Variants in VIPAS39 observed in about 807,000 individuals in gnomAD.
VIPAS39 encodes the protein spermatogenesis-defective protein 39 homolog.
VIPAS39 carries 63 observed loss-of-function variants against 84.7 expected under a neutral mutation model. The ratio of observed to expected loss-of-function variants is 0.74; its 90% CI spans 0.61 to 0.92. The LOEUF is 0.92. Ranked by LOEUF, VIPAS39 falls within the 40% of genes least tolerant of loss-of-function variation. The probability of loss-of-function intolerance (pLI) is 0.00; values close to 1 mark genes in which losing one functional copy is unlikely to be tolerated. For synonymous variants in VIPAS39, 192 were observed against 216.5 expected (o/e 0.89, Z 0.99); for missense variants, 499 against 604.5 (o/e 0.83, Z 1.83).
At chr14:77,437,948 TGA>T in intron 11 of VIPAS39, 67 bp from the exon 12 acceptor site, 1 of 1,508,270 alleles carries the variant, frequency 6.6e-7, no homozygotes, top group Non-Finnish European at 9.2e-7. Flanking sequence ...GCTGATTAAC[TGA>T]ACTTCCCATG....
At position 77,434,209 on chromosome 14, in the gene VIPAS39, C is replaced by A. The variant is rs536974743; in HGVS notation, c.1089+53G>T. 3.2e-6 allele frequency: 5 copies of A among 1,541,880 alleles called. No individual in the cohort carries two copies. In the African/African-American group the frequency reaches 6.8e-5, roughly 21 times the overall value. Reference sequence around the variant, plus strand: ...ACAGGGTTACAAAGCAACATCCACTCCATGTAGTTACCCTGATCACTAGTT... The same window carrying A: ...ACAGGGTTACAAAGCAACATCCACTACATGTAGTTACCCTGATCACTAGTT... On this transcript the variant is annotated intron_variant, in intron 15 of 19. Coordinates refer to ENST00000557658, the MANE Select transcript of VIPAS39 (RefSeq NM_001193315.2).
At chr14:77,443,393 C>G (rs1178628872) in intron 8 of VIPAS39, among the ~76,000 whole-genome samples, 5 of 152,214 alleles carry the variant, frequency 3.3e-5, no homozygotes, top group African/African-American at 4.8e-5. Context: ...CACATCTCTT[C>G]TCCCTCAGAT....
intron 16 of VIPAS39, among the ~76,000 whole-genome samples, chr14:77,430,713 T>A (rs1319194790): frequency 3.8e-5 from 4 of 104,958 alleles, no homozygotes; most frequent in Non-Finnish European, 3.9e-5. Context: ...CAAGACTCTG[T>A]CTCAAAAAAG....
At chr14:77,434,902 G>GAAA (rs553201076) in intron 14 of VIPAS39, among the ~76,000 whole-genome samples, 1 of 133,042 alleles carries the variant, frequency 7.5e-6, no homozygotes, top group Non-Finnish European at 1.6e-5. Context: ...CCATCTCAGA[G>GAAA]AAAAAAAAAA....
At position 77,435,297 on chromosome 14, in the gene VIPAS39, GTGT is replaced by G; in HGVS notation, c.1006_1008del (p.Thr336del). 6.2e-7 allele frequency: 1 copy of G among 1,613,908 alleles called. No homozygotes were observed. Among genetic ancestry groups the G allele is most frequent in the Non-Finnish European group, 8.5e-7 (1 of 1,179,956 alleles). ...TAGTGATAGAAGCAGGAGTAGAAAA[GTGT>G]TGTCACTAGTGGCATGTTGAGGATG... On this transcript the variant is annotated inframe_deletion, in exon 14 of 20. Transcript: ENST00000557658.
Position 77,434,381 on chromosome 14 carries a change from C to A in VIPAS39, c.1048-78G>T. On this transcript the variant is annotated intron_variant, in intron 14 of 19. Coordinates refer to ENST00000557658, the MANE Select transcript of VIPAS39 (RefSeq NM_001193315.2). ...ACCCAAGCTCTCATTTTCTTTCCCA[C>A]TACAGAGACTTTCTACATCTTACTC... is the stretch of plus-strand genomic sequence containing the variant. 4 of 1,321,106 alleles carry A rather than the reference C, an allele frequency of 3.0e-6. No individual in the cohort carries two copies. The South Asian group carries it at 4.7e-5, about 16-fold the overall frequency. The allele number at this position is 1,321,106 out of a possible 1,614,324, so 81.8% of individuals were successfully genotyped here.
chr14:77,433,940 C>T lies in VIPAS39; in HGVS notation c.1090-9G>A, dbSNP rs1163746250. The stretch of plus-strand genomic sequence containing the variant: ...TACTGTTTATCTGGGATCTGGAAAG[C>T]AGAGACCGAGAAAAATTAAGGGGAA... On this transcript the variant is annotated splice_polypyrimidine_tract_variant and intron_variant, in intron 15 of 19. Transcript: ENST00000557658. The T allele has an allele frequency of 1.9e-6, 3 of 1,613,728 alleles. No individual in the cohort carries two copies. The highest frequency in any genetic ancestry group is 2.5e-6 in the Non-Finnish European group (3 of 1,179,818).
intron 14 of VIPAS39, among the ~76,000 whole-genome samples, chr14:77,434,563 A>T (rs999512446): frequency 3.9e-5 from 6 of 152,140 alleles, no homozygotes; most frequent in African/African-American, 1.4e-4. Context: ...TCTGCCTGTT[A>T]TCATGGAATC....
intron 4 of VIPAS39, 96 bp from the exon 5 acceptor site, chr14:77,449,848 G>A (rs1043768569): frequency 8.1e-6 from 11 of 1,352,246 alleles, no homozygotes; most frequent in South Asian, 4.7e-5. Flanking sequence ...ACTCAATAAC[G>A]CAATATAGGA....
intron 7 of VIPAS39, 72 bp from the exon 8 acceptor site, chr14:77,444,413 G>A: frequency 1.5e-6 from 2 of 1,352,878 alleles, no homozygotes; most frequent in Non-Finnish European, 2.1e-6. Context: ...GGATACTAAA[G>A]AATAAGCAAT....
chr14:77,434,619 G>A (rs1231688106), intron 14 of VIPAS39, among the ~76,000 whole-genome samples: 2 of 152,152 alleles, frequency 1.3e-5, no homozygotes, highest in East Asian at 1.9e-4. Flanking sequence ...GTAGCCAGGC[G>A]CGGTGGCTCT....
chr14:77,432,130 T>C (rs142102233), intron 16 of VIPAS39, among the ~76,000 whole-genome samples: 1 of 152,208 alleles, frequency 6.6e-6, no homozygotes, highest in Non-Finnish European at 1.5e-5. Flanking sequence ...AAAAAAATAA[T>C]TTGAGATGAT....
chr14:77,445,987 T>G (rs2078782805), intron 7 of VIPAS39, among the ~76,000 whole-genome samples: 1 of 151,996 alleles, frequency 6.6e-6, no homozygotes, highest in African/African-American at 2.4e-5. Context: ...GAAAGTCCTT[T>G]ATAATATACG....
chr14:77,435,102 G>T, intron 14 of VIPAS39, 157 bp downstream of exon 14: 1 of 1,130,410 alleles, frequency 8.8e-7, no homozygotes. Context: ...GGCCAGATGA[G>T]GCCCTCTTAC....
chr14:77,457,387 T>G (rs1420688065), intron 1 of VIPAS39, 108 bp downstream of exon 1: 1 of 1,535,494 alleles, frequency 6.5e-7, no homozygotes, highest in Non-Finnish European at 8.7e-7. Flanking sequence ...GAATCAGGCC[T>G]GTAGTCATAG....
Position 77,444,351 on chromosome 14 carries a change from T to C in VIPAS39, c.505-10A>G, listed in dbSNP as rs374420796. The C allele has an allele frequency of 3.2e-5, 51 of 1,609,322 alleles. No homozygotes were observed. Among genetic ancestry groups the C allele is most frequent in the Non-Finnish European group, 4.1e-5 (48 of 1,176,090 alleles). ...TCTCTAGTGAGCAAACCTGGCAGAA[T>C]AACACTAGAATTAGTACACAAGAAG... is the stretch of plus-strand genomic sequence containing the variant. On this transcript the variant is annotated splice_polypyrimidine_tract_variant and intron_variant, in intron 7 of 19. Coordinates refer to ENST00000557658, the MANE Select transcript of VIPAS39 (RefSeq NM_001193315.2).
rs897579110 is a variant in VIPAS39, at chr14:77,437,749, T to C, written c.836+59A>G. ...CTATCCATTCCACCCTTTTTAATTTTCTTCATTCCTTCTGGGTAAAGGTAT... is the reference window on the plus strand; with the variant it reads ...CTATCCATTCCACCCTTTTTAATTTCCTTCATTCCTTCTGGGTAAAGGTAT... On this transcript the variant is annotated intron_variant, in intron 12 of 19. Transcript: ENST00000557658. The C allele has an allele frequency of 2.4e-5, 37 of 1,559,174 alleles. No individual in the cohort carries two copies. The South Asian group carries it at 2.8e-4, about 12-fold the overall frequency.
intron 16 of VIPAS39, among the ~76,000 whole-genome samples, chr14:77,430,745 G>T (rs911093146): frequency 3.4e-5 from 5 of 147,822 alleles, no homozygotes; most frequent in Non-Finnish European, 6.0e-5. Flanking sequence ...AAAAGGGGGG[G>T]TAGGGGTAGG....
chr14:77,429,141 G>T, intron 17 of VIPAS39, 46 bp from the exon 18 acceptor site: 1 of 1,542,996 alleles, frequency 6.5e-7, no homozygotes, highest in Non-Finnish European at 8.9e-7. Context: ...CACCCATAAG[G>T]CACAGAGCTC....
Sources: allele counts gnomAD v4.1 joint callset (sites outside exome capture counted in the v4.1 genomes callset), GRCh38; gene constraint gnomAD v4.1.1; transcripts MANE v1.5; gene names NCBI Gene and HGNC (gene_info 2026-07-23, HGNC 2026-07-21).